Variants in PREX2 observed in about 807,000 individuals in gnomAD.
PREX2 encodes phosphatidylinositol 3,4,5-trisphosphate-dependent Rac exchanger 2 protein.
PREX2 carries 107 observed loss-of-function variants against 203.2 expected under a neutral mutation model. The ratio of observed to expected loss-of-function variants is 0.53; its 90% confidence interval spans 0.45 to 0.62. PREX2 has a LOEUF of 0.62. PREX2 is among the 20% of genes least tolerant of loss of function. The pLI, the probability that PREX2 is intolerant of heterozygous loss-of-function variation, is 0.00. For synonymous variants in PREX2, 672 were observed against 663.6 expected (o/e 1.01, Z -0.19); for missense variants, 1,777 against 1,955.9 (o/e 0.91, Z 1.72).
At chr8:68,103,697 T>C (rs1239843070) in intron 23 of PREX2, 4 of 519,570 alleles carry the variant, frequency 7.7e-6, no homozygotes, top group Admixed American at 3.9e-5. Context: ...CTGATAGCAT[T>C]CCTTGTCTTA....
At chr8:68,182,859 T>C (rs928421895) in intron 35 of PREX2, among the ~76,000 whole-genome samples, 1 of 151,612 alleles carries the variant, frequency 6.6e-6, no homozygotes, top group African/African-American at 2.4e-5. Context: ...TTTGTTTCAG[T>C]GGAGAAGTTC....
At chr8:67,963,734 G>T (rs1805696184) in intron 1 of PREX2, among the ~76,000 whole-genome samples, 2 of 151,400 alleles carry the variant, frequency 1.3e-5, no homozygotes, top group South Asian at 4.2e-4. Flanking sequence ...GTGTTTATTC[G>T]TAAGGATATT....
chr8:67,990,416 C>A (rs975589794), intron 1 of PREX2, among the ~76,000 whole-genome samples: 2 of 150,804 alleles, frequency 1.3e-5, no homozygotes, highest in Non-Finnish European at 2.9e-5. Flanking sequence ...GAACTTAGGT[C>A]AACTCCAATG....
chr8:68,129,626 G>A (rs763278193), intron 31 of PREX2, among the ~76,000 whole-genome samples: 11 of 151,736 alleles, frequency 7.2e-5, no homozygotes, highest in Admixed American at 2.0e-4. Context: ...GATTGCTTTT[G>A]TGTGTCTAGA....
intron 35 of PREX2, among the ~76,000 whole-genome samples, chr8:68,158,651 G>A (rs1811595727): frequency 6.6e-6 from 1 of 152,108 alleles, no homozygotes; most frequent in African/African-American, 2.4e-5. Flanking sequence ...AGCTACTTAT[G>A]GTGATAGCCA....
At chr8:68,101,457 T>G in intron 23 of PREX2, 1 of 518,940 alleles carries the variant, frequency 1.9e-6, no homozygotes, top group Non-Finnish European at 3.8e-6. Context: ...TTTGTTAATC[T>G]GCTTTTCATG....
chr8:67,964,676 G>A (rs1197601968), intron 1 of PREX2, among the ~76,000 whole-genome samples: 1 of 151,802 alleles, frequency 6.6e-6, no homozygotes, highest in Non-Finnish European at 1.5e-5. Context: ...GGGGTATTTG[G>A]TGATTTTATG....
chr8:68,126,577 T>C (rs991870073), intron 30 of PREX2, among the ~76,000 whole-genome samples: 1 of 152,116 alleles, frequency 6.6e-6, no homozygotes, highest in Non-Finnish European at 1.5e-5. Context: ...CTGCATTTCT[T>C]TTCAGTCAAT....
At chr8:68,058,633 CCATATTGG>C (rs1309270844) in intron 10 of PREX2, among the ~76,000 whole-genome samples, 1 of 152,070 alleles carries the variant, frequency 6.6e-6, no homozygotes, top group Non-Finnish European at 1.5e-5. Context: ...CAGAGTTTCA[CCATATTGG>C]CCAGGCTAGT....
chr8:68,142,608 G>T (rs763610566), intron 33 of PREX2, among the ~76,000 whole-genome samples: 44 of 152,272 alleles, frequency 2.9e-4, no homozygotes, highest in Non-Finnish European at 5.4e-4. Flanking sequence ...AGGTTTTTCT[G>T]TGGATATAAG....
chr8:68,113,848 TTTG>T (rs1810585512), intron 25 of PREX2, among the ~76,000 whole-genome samples: 1 of 152,112 alleles, frequency 6.6e-6, no homozygotes, highest in African/African-American at 2.4e-5. Flanking sequence ...GTATTTTGTT[TTTG>T]TTGTTGTTGT....
chr8:68,157,662 A>C (rs902700549), intron 35 of PREX2, among the ~76,000 whole-genome samples: 4 of 152,104 alleles, frequency 2.6e-5, no homozygotes, highest in Admixed American at 2.6e-4. Context: ...AAATTTAAAA[A>C]TTTCTGAAGA....
intron 1 of PREX2, among the ~76,000 whole-genome samples, chr8:67,996,827 T>C (rs1436491239): frequency 6.6e-6 from 1 of 152,136 alleles, no homozygotes; most frequent in Non-Finnish European, 1.5e-5. Flanking sequence ...AGGAGTGAAA[T>C]AGGAGTTGAG....
chr8:68,135,030 A>G (rs1005707385), intron 32 of PREX2, among the ~76,000 whole-genome samples: 1 of 151,942 alleles, frequency 6.6e-6, no homozygotes, highest in Admixed American at 6.6e-5. Context: ...ATGAGAGCCT[A>G]TTTCATCTGT....
intron 35 of PREX2, among the ~76,000 whole-genome samples, chr8:68,171,881 A>AT (rs545684640): frequency 2.0e-5 from 3 of 152,022 alleles, no homozygotes; most frequent in South Asian, 4.1e-4. Flanking sequence ...TTGTCCTTAA[A>AT]TTTTTTTTAT....
intron 39 of PREX2, among the ~76,000 whole-genome samples, chr8:68,229,075 G>A (rs1239416934): frequency 1.3e-5 from 2 of 151,940 alleles, no homozygotes; most frequent in African/African-American, 4.8e-5. Context: ...GACAGAGTAT[G>A]ATTGATGCTT....
chr8:68,014,646 G>T (rs996793872), intron 1 of PREX2, among the ~76,000 whole-genome samples: 1 of 152,062 alleles, frequency 6.6e-6, no homozygotes, highest in Non-Finnish European at 1.5e-5. Context: ...TGGGTGAGAG[G>T]GTGTTGTATA....
chr8:68,041,115 T>C (rs1326378700), intron 7 of PREX2, among the ~76,000 whole-genome samples: 3 of 152,168 alleles, frequency 2.0e-5, no homozygotes, highest in African/African-American at 7.2e-5. Flanking sequence ...ACATTTGTTT[T>C]AGTGAAATGG....
chr8:68,055,681 G>T lies in PREX2; in HGVS notation c.1094-149G>T, dbSNP rs1017822067. Reference sequence around the variant, plus strand: ...GGTCTCCCTAGCCCCTGAGCTTCTTGAACACCAGGGCACTATTATACAGAG... The same window carrying T: ...GGTCTCCCTAGCCCCTGAGCTTCTTTAACACCAGGGCACTATTATACAGAG... On this transcript the variant is annotated intron_variant, in intron 9 of 39. Coordinates refer to ENST00000288368, the MANE Select transcript of PREX2 (RefSeq NM_024870.4). The T allele has an allele frequency of 3.5e-5, 24 of 694,810 alleles. No individual in the cohort carries two copies. In the African/African-American group the frequency reaches 3.9e-4, roughly 11 times the overall value. The allele number at this position is 694,810 out of a possible 1,614,324, so 43.0% of individuals were successfully genotyped here.
Sources: gnomAD v4.1 joint callset for allele counts (sites outside exome capture counted in the v4.1 genomes callset) on GRCh38, gnomAD v4.1.1 for gene constraint, MANE v1.5 for transcripts, NCBI Gene and HGNC (gene_info 2026-07-23, HGNC 2026-07-21) for gene names.